The following MGAM variants were observed in gnomAD, a reference collection of about 807,000 sequenced individuals.
MGAM encodes the protein alpha-1,4-glucosidase.
MGAM carries 253 observed loss-of-function variants against 358.8 expected under a neutral mutation model. That is an observed-to-expected ratio of 0.71 (90% CI 0.64 to 0.78). The LOEUF (loss-of-function observed/expected upper bound fraction) is 0.78. Ranked by LOEUF, MGAM falls within the 30% of genes least tolerant of loss-of-function variation. The pLI is 0.00. For synonymous variants in MGAM, 1,105 were observed against 1,227.1 expected (o/e 0.90, Z 2.08); for missense variants, 3,080 against 3,432.6 (o/e 0.90, Z 2.57).
Position 142,088,992 on chromosome 7 carries a change from G to GTATGTATGTATC in MGAM, c.6810+2282_6810+2283insGTATCTATGTAT, listed in dbSNP as rs1815107073. ...TGTATGTATGTATGTATGTATGTAT[G>GTATGTATGTATC]TATGTATCTATCTATCTATCTATCT... On this transcript the variant is annotated intron_variant, in intron 57 of 70. Coordinates refer to ENST00000475668, the MANE Select transcript of MGAM (RefSeq NM_001365693.1). Among the ~76,000 whole-genome samples, 2 of 64,380 alleles carry GTATGTATGTATC rather than the reference G, an allele frequency of 3.1e-5. 1 individual carries two copies. The highest frequency in any genetic ancestry group is 2.9e-4 in the Admixed American group (2 of 6,836). 42.2% of individuals were successfully genotyped at this position (64,380 alleles called of 152,430 possible).
intron 16 of MGAM, among the ~76,000 whole-genome samples, chr7:142,035,454 G>A (rs1405719224): frequency 3.9e-5 from 6 of 152,164 alleles, no homozygotes; most frequent in Non-Finnish European, 7.3e-5. Flanking sequence ...GAGATCCCGA[G>A]AAAGGGATTT....
intron 21 of MGAM, among the ~76,000 whole-genome samples, chr7:142,042,925 A>T (rs1809212498): frequency 2.3e-5 from 1 of 43,452 alleles, no homozygotes; most frequent in Non-Finnish European, 4.2e-5. Flanking sequence ...TATACATATA[A>T]TATCTAAATA....
intron 21 of MGAM, among the ~76,000 whole-genome samples, chr7:142,041,755 G>T (rs1385998305): frequency 2.0e-5 from 3 of 147,412 alleles, no homozygotes; most frequent in Non-Finnish European, 4.5e-5. Context: ...TTCTTTGCCT[G>T]GTGTATTCTT....
chr7:142,073,834 C>T (rs1324327143), intron 44 of MGAM, among the ~76,000 whole-genome samples: 1 of 146,100 alleles, frequency 6.8e-6, no homozygotes, highest in African/African-American at 2.4e-5. Flanking sequence ...TGAGCTATTG[C>T]AGTGCCTCTG....
intron 10 of MGAM, among the ~76,000 whole-genome samples, chr7:142,028,802 A>T (rs1807195369): frequency 6.6e-6 from 1 of 152,090 alleles, no homozygotes; most frequent in African/African-American, 2.4e-5. Context: ...GTCAGGGCAG[A>T]TAAAGACGTT....
rs563759003 is a variant in MGAM at position 142,087,791 on chromosome 7, A to C, written c.6810+1074A>C. 4.8e-4 allele frequency among the ~76,000 whole-genome samples: 71 copies of C among 146,632 alleles called. 7 individuals carry two copies. In the South Asian group the frequency reaches 0.015, roughly 31 times the overall value. On this transcript the variant is annotated intron_variant, in intron 57 of 70. Coordinates refer to ENST00000475668, the MANE Select transcript of MGAM (RefSeq NM_001365693.1). ...TCTCAGGATCAAGTATTAATCAGAC[A>C]AATATCCATGTTGTGGGCACAAATC...
chr7:142,088,747 GTCTA>G (rs60202972), intron 57 of MGAM, among the ~76,000 whole-genome samples: 20,908 of 92,526 alleles, frequency 0.23, 3,187 homozygotes, highest in Admixed American at 0.26. Context: ...CTGTCTGTCT[GTCTA>G]TCTATCTATC....
At chr7:142,081,907 T>G in intron 50 of MGAM, 135 bp from the exon 51 acceptor site, 3 of 921,242 alleles carry the variant, frequency 3.3e-6, no homozygotes, top group Non-Finnish European at 5.0e-6. Flanking sequence ...TTAATCAAAT[T>G]GAGTTTCAGT....
chr7:142,000,470 T>TCCAC (rs1456803713), intron 1 of MGAM, among the ~76,000 whole-genome samples: 1 of 152,170 alleles, frequency 6.6e-6, no homozygotes, highest in Non-Finnish European at 1.5e-5. Context: ...CCATCCCTTC[T>TCCAC]CCACATCCTA....
chr7:142,017,737 CGTT>C (rs1806087122), intron 3 of MGAM, among the ~76,000 whole-genome samples: 1 of 152,042 alleles, frequency 6.6e-6, no homozygotes, highest in Non-Finnish European at 1.5e-5. Flanking sequence ...ATATGGACAT[CGTT>C]GTTTATCCCT....
intron 21 of MGAM, among the ~76,000 whole-genome samples, chr7:142,041,933 A>G (rs796092569): frequency 1.3e-4 from 3 of 22,986 alleles, no homozygotes; most frequent in East Asian, 9.7e-4. Context: ...TATATAATAT[A>G]TATATTATAT....
rs765989168 is a variant in MGAM, at chr7:142,065,689, G to T, written c.4654-26G>T. On this transcript the variant is annotated intron_variant, in intron 39 of 70. Transcript: ENST00000475668. ...GACATCTTTCAGAAATCATCAGCAG[G>T]CTCCTTTTATTTCCTCTTGTTTCAG... The T allele has an allele frequency of 5.2e-5, 83 of 1,608,306 alleles. 3 individuals carry two copies. In the Middle Eastern group the frequency reaches 7.1e-4, roughly 14 times the overall value.
At chr7:141,994,958 T>C (rs1804123509), upstream of MGAM, among the ~76,000 whole-genome samples, 1 of 152,234 alleles carries the variant, frequency 6.6e-6, no homozygotes, top group Non-Finnish European at 1.5e-5. Flanking sequence ...AATACAGTGA[T>C]GTTATCTTTG....
At position 142,090,282 on chromosome 7, in the gene MGAM, A is replaced by C. The variant is rs1183096259; in HGVS notation, c.6811-1631A>C. 4.8e-5 allele frequency among the ~76,000 whole-genome samples: 7 copies of C among 145,812 alleles called. 1 individual carries two copies. Among genetic ancestry groups the C allele is most frequent in the African/African-American group, 4.9e-5 (2 of 41,058 alleles). ...TCCTACATCATGGCTGGCCAAGTTC[A>C]CCACGTGTACCCCATATGGGATACA... On this transcript the variant is annotated intron_variant, in intron 57 of 70. Transcript: ENST00000475668.
In MGAM at chr7:142,049,848, A is replaced by G. The variant is rs551413822; in HGVS notation, c.2588-387A>G. On this transcript the variant is annotated intron_variant, in intron 22 of 70. Coordinates refer to ENST00000475668, the MANE Select transcript of MGAM (RefSeq NM_001365693.1). Reference sequence around the variant, plus strand: ...ATGGAATTTTTGTAGACTGTTGGTGAGAATGTAAATTGTTACAACCGTTAT... The same window carrying G: ...ATGGAATTTTTGTAGACTGTTGGTGGGAATGTAAATTGTTACAACCGTTAT... 3.3e-5 allele frequency among the ~76,000 whole-genome samples: 5 copies of G among 152,316 alleles called. No individual in the cohort carries two copies. The South Asian group carries it at 1.0e-3, about 32-fold the overall frequency.
At chr7:142,013,359 C>T (rs1805742298) in intron 3 of MGAM, among the ~76,000 whole-genome samples, 1 of 152,138 alleles carries the variant, frequency 6.6e-6, no homozygotes, top group African/African-American at 2.4e-5. Context: ...GCTGACTCTG[C>T]CTCAGTCTGG....
Position 142,064,405 on chromosome 7 carries a change from G to A in MGAM, c.4367G>A (p.Gly1456Asp). The A allele has an allele frequency of 6.2e-7, 1 of 1,608,468 alleles. No homozygotes were observed. Among genetic ancestry groups the A allele is most frequent in the Non-Finnish European group, 8.5e-7 (1 of 1,177,558 alleles). ...YMPHLESRDR[G>D]LSSKTLCMES... is the part of the protein sequence containing the mutation. Reference sequence around the variant, plus strand: ...TCAGATTTGGAGTCCAGGGACAGGGGCCTGAGCAGCAAGACCCTTTGTATG... The same window carrying A: ...TCAGATTTGGAGTCCAGGGACAGGGACCTGAGCAGCAAGACCCTTTGTATG... Residue 1456 changes from glycine to aspartate, a missense_variant, in exon 37 of 71, where the codon GGC (glycine) becomes GAC (aspartate). Transcript: ENST00000475668.
In MGAM at chr7:142,027,169, T is replaced by C; in HGVS notation, c.1037T>C (p.Leu346Pro). 1.2e-6 allele frequency: 2 copies of C among 1,613,832 alleles called. No individual in the cohort carries two copies. Among genetic ancestry groups the C allele is most frequent in the Non-Finnish European group, 1.7e-6 (2 of 1,179,734 alleles). ...ACTTACCGCACCATTGGGGGCATTCTCGACTTCTATGTGTTCTTGGGAAAC... is the reference window on the plus strand; with the variant it reads ...ACTTACCGCACCATTGGGGGCATTCCCGACTTCTATGTGTTCTTGGGAAAC... ...AITYRTIGGI[L>P]DFYVFLGNTP... The change falls in exon 9 of 71, where the codon CTC becomes CCC. Residue 346 changes from leucine to proline, a missense_variant. By Grantham distance (98) the Leu-to-Pro change is moderately conservative. This residue lies in a region of MGAM where 1,816 missense variants were observed against 1,840.5 expected (regional missense o/e 0.99). Coordinates refer to ENST00000475668, the MANE Select transcript of MGAM (RefSeq NM_001365693.1).
In MGAM at chr7:142,078,619, G is replaced by C. The variant is rs1813953055; in HGVS notation, c.5646+149G>C. The C allele has an allele frequency of 2.7e-6, 3 of 1,097,658 alleles. 1 individual carries two copies. Among genetic ancestry groups the C allele is most frequent in the South Asian group, 1.7e-5 (1 of 59,090 alleles). 68.0% of individuals were successfully genotyped at this position (1,097,658 alleles called of 1,614,324 possible). A position where few individuals can be genotyped will look rare whatever the true frequency, so the allele number is the denominator to read the frequency against. On this transcript the variant is annotated intron_variant, in intron 48 of 70. Coordinates refer to ENST00000475668, the MANE Select transcript of MGAM (RefSeq NM_001365693.1). Reference sequence around the variant, plus strand: ...GATCTGGATGTGACAAGTAGGTGGGGACATGTGGAAAACTTTTTAAAATAA... The same window carrying C: ...GATCTGGATGTGACAAGTAGGTGGGCACATGTGGAAAACTTTTTAAAATAA...
Sources: gnomAD v4.1 joint callset for allele counts (sites outside exome capture counted in the v4.1 genomes callset) on GRCh38, gnomAD v4.1.1 for gene constraint, gnomAD v4.1.1 regional missense constraint, MANE v1.5 for transcripts, NCBI Gene and HGNC (gene_info 2026-07-23, HGNC 2026-07-21) for gene names.